The following THADA variants were observed in gnomAD, a reference collection of about 807,000 sequenced individuals.
THADA encodes the protein THADA armadillo repeat containing, also known as tRNA (32-2'-O)-methyltransferase regulator THADA.
A neutral mutation model predicts 219.8 loss-of-function variants in THADA; 213 were observed. That is an observed-to-expected ratio of 0.97 (90% confidence interval 0.87 to 1.09). The LOEUF (loss-of-function observed/expected upper bound fraction) is 1.09. THADA is among the 50% of genes least tolerant of loss of function. The probability of loss-of-function intolerance (pLI) is 0.00; values close to 1 mark genes in which losing one functional copy is unlikely to be tolerated. For synonymous variants in THADA, 1,018 were observed against 828.9 expected (o/e 1.23, Z -3.92); for missense variants, 2,956 against 2,311.3 (o/e 1.28, Z -5.72).
chr2:43,545,008 G>A (rs1695834766), intron 20 of THADA, among the ~76,000 whole-genome samples: 1 of 152,116 alleles, frequency 6.6e-6, no homozygotes. Flanking sequence ...CATTCGCTGT[G>A]GGTTTGTCAC....
chr2:43,554,626 A>G (rs965359110), intron 17 of THADA, among the ~76,000 whole-genome samples: 3 of 152,190 alleles, frequency 2.0e-5, no homozygotes, highest in African/African-American at 7.2e-5. Context: ...TTTATATTAT[A>G]TAAATTTTTA....
intron 29 of THADA, among the ~76,000 whole-genome samples, chr2:43,381,097 CAAAAAAAAA>C (rs58711910): frequency 1.8e-5 from 1 of 54,400 alleles, no homozygotes; most frequent in African/African-American, 8.3e-5. Context: ...GAGACTTTGT[CAAAAAAAAA>C]AAAAAAAAAA....
intron 31 of THADA, among the ~76,000 whole-genome samples, chr2:43,309,490 T>C (rs180688572): frequency 3.9e-5 from 6 of 152,304 alleles, no homozygotes; most frequent in Non-Finnish European, 8.8e-5. Flanking sequence ...AATGGAATAC[T>C]ACTCAGCAAT....
chr2:43,546,403 G>T (rs960810156), intron 20 of THADA, among the ~76,000 whole-genome samples: 1 of 152,184 alleles, frequency 6.6e-6, no homozygotes, highest in Admixed American at 6.5e-5. Context: ...GTGCAGAACT[G>T]AGTTCAATTC....
Position 43,467,181 on chromosome 2 carries a change from C to CAAAAAAAA in THADA, c.3836+18045_3836+18052dup, listed in dbSNP as rs70963399. 3.6e-4 allele frequency among the ~76,000 whole-genome samples: 21 copies of CAAAAAAAA among 58,388 alleles called. 1 individual carries two copies. The highest frequency in any genetic ancestry group is 5.2e-4 in the Non-Finnish European group (16 of 30,742). 38.3% of individuals were successfully genotyped at this position (58,388 alleles called of 152,430 possible). ...TGGGCGACAGAGCGAGACTCCGTCT[C>CAAAAAAAA]AAAAAAAAAAAAAAAAAAAAAAAAA... On this transcript the variant is annotated intron_variant, in intron 26 of 37. Transcript: ENST00000405975.
intron 14 of THADA, among the ~76,000 whole-genome samples, chr2:43,568,628 T>C (rs934459672): frequency 8.5e-5 from 13 of 152,192 alleles, no homozygotes; most frequent in African/African-American, 2.9e-4. Flanking sequence ...TACCTGAGTT[T>C]TCACAAATGT....
intron 26 of THADA, among the ~76,000 whole-genome samples, chr2:43,461,127 T>C (rs1249124907): frequency 1.3e-5 from 2 of 152,192 alleles, no homozygotes; most frequent in Non-Finnish European, 2.9e-5. Flanking sequence ...AATTTGAACC[T>C]TATTTCTCAA....
At chr2:43,593,182 G>C (rs1246911786) in intron 1 of THADA, among the ~76,000 whole-genome samples, 2 of 152,050 alleles carry the variant, frequency 1.3e-5, no homozygotes, top group African/African-American at 4.8e-5. Context: ...GATGGAATCA[G>C]GAATAAAAAC....
intron 28 of THADA, among the ~76,000 whole-genome samples, chr2:43,421,107 A>G (rs1677663885): frequency 6.6e-6 from 1 of 152,222 alleles, no homozygotes. Flanking sequence ...CCCATGGAAG[A>G]TAACACTGGG....
chr2:43,282,910 T>C (rs1455171272), intron 35 of THADA, among the ~76,000 whole-genome samples: 1 of 152,182 alleles, frequency 6.6e-6, no homozygotes, highest in African/African-American at 2.4e-5. Flanking sequence ...GATCTGTACA[T>C]CCATTTAATT....
intron 24 of THADA, among the ~76,000 whole-genome samples, chr2:43,504,221 A>G (rs1019833362): frequency 6.6e-6 from 1 of 152,214 alleles, no homozygotes; most frequent in Non-Finnish European, 1.5e-5. Flanking sequence ...TGAAGTGATC[A>G]TTTTTGAATG....
chr2:43,251,077 G>T (rs959521749), intron 36 of THADA, among the ~76,000 whole-genome samples: 2 of 152,184 alleles, frequency 1.3e-5, no homozygotes, highest in African/African-American at 4.8e-5. Context: ...CAGCCTGAGA[G>T]GGGTGGTCTG....
In THADA at chr2:43,414,859, C is replaced by T. The variant is rs117437764; in HGVS notation, c.4058+13241G>A. On this transcript the variant is annotated intron_variant, in intron 28 of 37. Transcript: ENST00000405975. ...GGAGGGCACAAAGACAAGCTTTCAT[C>T]TTAGAAAGGAAATGGAACTACATCT... is the stretch of plus-strand genomic sequence containing the variant. 6.6e-4 allele frequency among the ~76,000 whole-genome samples: 100 copies of T among 152,176 alleles called. 1 individual carries two copies. The East Asian group carries it at 0.014, about 21-fold the overall frequency.
chr2:43,345,136 T>C (rs1482693240), intron 29 of THADA, among the ~76,000 whole-genome samples: 1 of 152,234 alleles, frequency 6.6e-6, no homozygotes, highest in East Asian at 1.9e-4. Flanking sequence ...CTGTTTTCTT[T>C]CCCTATTATA....
chr2:43,246,733 T>C (rs182390613), intron 36 of THADA, among the ~76,000 whole-genome samples: 2 of 152,372 alleles, frequency 1.3e-5, no homozygotes, highest in African/African-American at 4.8e-5. Flanking sequence ...GGGAATTTTA[T>C]ATCTTGAAAT....
At chr2:43,236,939 G>C (rs1419658436) in intron 36 of THADA, among the ~76,000 whole-genome samples, 1 of 151,582 alleles carries the variant, frequency 6.6e-6, no homozygotes, top group Non-Finnish European at 1.5e-5. Context: ...AGGCATGGTG[G>C]TGGGCGCCTG....
chr2:43,574,356 G>C lies in THADA; in HGVS notation c.1709C>G (p.Thr570Ser). 1.9e-6 allele frequency: 3 copies of C among 1,575,620 alleles called. No individual in the cohort carries two copies. Among genetic ancestry groups the C allele is most frequent in the South Asian group, 2.4e-5 (2 of 84,158 alleles). ...SLQYMVKILQ[T>S]SIDAKTGQEQ... The stretch of plus-strand genomic sequence containing the variant: ...CTTACCAGTTTTAGCATCAATAGAA[G>C]TCTGAAGAATCTTTACCATGTACTG... The change falls in exon 11 of 38, where the codon ACT becomes AGT. Residue 570 changes from threonine to serine, a missense_variant. Thr to Ser is a moderately conservative substitution (Grantham distance 58). Coordinates refer to ENST00000405975, the MANE Select transcript of THADA (RefSeq NM_022065.5).
intron 9 of THADA, 108 bp from the exon 10 acceptor site, chr2:43,577,350 A>G: frequency 2.3e-6 from 2 of 881,098 alleles, no homozygotes; most frequent in South Asian, 1.8e-5. Flanking sequence ...CCTAGGAAAA[A>G]TGACTAAATC....
chr2:43,569,988 C>T (rs1699114440), intron 14 of THADA, among the ~76,000 whole-genome samples: 1 of 152,142 alleles, frequency 6.6e-6, no homozygotes, highest in East Asian at 1.9e-4. Context: ...GACCATGGGC[C>T]AAGAGTCATT....
Sources: allele counts gnomAD v4.1 joint callset (sites outside exome capture counted in the v4.1 genomes callset), GRCh38; gene constraint gnomAD v4.1.1; transcripts MANE v1.5; gene names NCBI Gene and HGNC (gene_info 2026-07-23, HGNC 2026-07-21).